UTS2B: variants seen among roughly 807,000 people sequenced by gnomAD.
The protein encoded by UTS2B is urotensin-2B.
In UTS2B, 21 loss-of-function variants were observed where a neutral mutation model predicts 19.2. The observed-to-expected ratio is 1.09, with a 90% confidence interval of 0.78 to 1.58. UTS2B has a LOEUF of 1.58. Among genes scored for constraint, UTS2B ranks in the 40% most tolerant of loss-of-function variants. The probability of loss-of-function intolerance (pLI) is 0.00; values close to 1 mark genes in which losing one functional copy is unlikely to be tolerated. For missense variants in UTS2B, 138 were observed against 130.3 expected (o/e 1.06, Z -0.29); for synonymous variants, 57 against 50.2 (o/e 1.14, Z -0.58).
At chr3:191,316,755 CT>C (rs2108608855) in intron 2 of UTS2B, among the ~76,000 whole-genome samples, 1 of 152,272 alleles carries the variant, frequency 6.6e-6, no homozygotes, top group South Asian at 2.1e-4. Context: ...CTGATCGGTG[CT>C]TTTACAAACC....
intron 2 of UTS2B, among the ~76,000 whole-genome samples, chr3:191,317,332 G>A (rs1717488927): frequency 1.3e-5 from 2 of 152,174 alleles, no homozygotes; most frequent in African/African-American, 4.8e-5. Flanking sequence ...CCTGGAACTC[G>A]TGCTAGCCCG....
rs1436368529 is a variant in UTS2B, at chr3:191,268,074, A to G, written c.*342T>C. The G allele has an allele frequency of 5.9e-6, 1 of 168,386 alleles. No individual in the cohort carries two copies. The highest frequency in any genetic ancestry group is 1.3e-5 in the Non-Finnish European group (1 of 78,704). The allele number at this position is 168,386 out of a possible 1,614,324, so 10.4% of individuals were successfully genotyped here. A position where few individuals can be genotyped will look rare whatever the true frequency, so the allele number is the denominator to read the frequency against. ...TTATCCATATGGACAGGCGCCTTCC[A>G]TGCATCCGTTTATAGGCTCTCCACG... On this transcript the variant is annotated 3_prime_UTR_variant, in exon 9 of 9. Transcript: ENST00000340524.
the UTS2B span, among the ~76,000 whole-genome samples, chr3:191,345,180 A>G: frequency 4.3e-3 from 652 of 152,286 alleles, 4 homozygotes; most frequent in African/African-American, 0.015. Flanking sequence ...AAGAATAGAC[A>G]AGGTCTAAGT....
At chr3:191,339,974 G>A in the UTS2B span, among the ~76,000 whole-genome samples, 5 of 152,332 alleles carry the variant, frequency 3.3e-5, no homozygotes, top group Admixed American at 3.3e-4. Flanking sequence ...AATATTTGGT[G>A]TAGGTGAAAG....
chr3:191,329,732 C>A (rs1449429815), intron 1 of UTS2B: 2 of 1,608,514 alleles, frequency 1.2e-6, no homozygotes, highest in Non-Finnish European at 8.5e-7. Flanking sequence ...AGGTAAGGGC[C>A]CCGGAGGGAG....
chr3:191,336,015 A>G, the UTS2B span, among the ~76,000 whole-genome samples: 1 of 151,924 alleles, frequency 6.6e-6, no homozygotes, highest in Admixed American at 6.6e-5. Flanking sequence ...ATCATATAGT[A>G]AGTAGTTTTT....
chr3:191,299,861 G>T (rs1716948651), intron 4 of UTS2B, among the ~76,000 whole-genome samples: 1 of 152,196 alleles, frequency 6.6e-6, no homozygotes, highest in Non-Finnish European at 1.5e-5. Flanking sequence ...CAAAGTCACA[G>T]GGGTGGAGCT....
chr3:191,277,016 T>C (rs1480429859), intron 6 of UTS2B, among the ~76,000 whole-genome samples, 172 bp from the exon 7 acceptor site: 2 of 152,246 alleles, frequency 1.3e-5, no homozygotes, highest in Non-Finnish European at 2.9e-5. Flanking sequence ...ATGCCCATAG[T>C]ATTGAAATGC....
chr3:191,316,853 G>C (rs1717468335), intron 2 of UTS2B, among the ~76,000 whole-genome samples: 1 of 152,226 alleles, frequency 6.6e-6, no homozygotes. Context: ...CAAACCCCCA[G>C]CTAGACACTG....
chr3:191,309,938 T>G (rs934048773), intron 3 of UTS2B, among the ~76,000 whole-genome samples: 1 of 152,040 alleles, frequency 6.6e-6, no homozygotes, highest in African/African-American at 2.4e-5. Flanking sequence ...TGAGAATTTT[T>G]TTTTTCTTTC....
rs994981498 is a variant in UTS2B, at chr3:191,267,186, A to C, written c.*1230T>G. On this transcript the variant is annotated 3_prime_UTR_variant, in exon 9 of 9. Transcript: ENST00000340524. ...TCCAAGATGCTTTTCAAAATGTTTT[A>C]ATTAATAGTTCAACAGCATAGTCAC... 1 of 152,240 alleles carries C rather than the reference A, an allele frequency of 6.6e-6. No homozygotes were observed. The highest frequency in any genetic ancestry group is 1.5e-5 in the Non-Finnish European group (1 of 68,038). 9.4% of individuals were successfully genotyped at this position (152,240 alleles called of 1,614,324 possible). A position where few individuals can be genotyped will look rare whatever the true frequency, so the allele number is the denominator to read the frequency against.
chr3:191,340,607 A>G, the UTS2B span, among the ~76,000 whole-genome samples: 1 of 152,204 alleles, frequency 6.6e-6, no homozygotes, highest in African/African-American at 2.4e-5. Flanking sequence ...TAATCTTCAC[A>G]TAGAATTCTA....
At chr3:191,273,061 G>A (rs554832530) in intron 8 of UTS2B, among the ~76,000 whole-genome samples, 7 of 152,068 alleles carry the variant, frequency 4.6e-5, no homozygotes, top group African/African-American at 1.7e-4. Flanking sequence ...CCATCTACTC[G>A]GGAGGCTGAG....
In UTS2B at chr3:191,307,368, GA is replaced by G. The variant is rs367900642; in HGVS notation, c.-181-2821del. ...AAGGCATCTTAGCTTGAGACCTTTAGAAAAAAAAAACCTAAGGCAAAATTAT... is the reference window on the plus strand; with the variant it reads ...AAGGCATCTTAGCTTGAGACCTTTAGAAAAAAAAACCTAAGGCAAAATTAT... On this transcript the variant is annotated intron_variant, in intron 3 of 8. Coordinates refer to ENST00000340524, the MANE Select transcript of UTS2B (RefSeq NM_198152.5). Among the ~76,000 whole-genome samples, 1,353 of 146,504 alleles carry G rather than the reference GA, an allele frequency of 9.2e-3. 18 individuals are homozygous for G. Among genetic ancestry groups the G allele is most frequent in the African/African-American group, 0.032 (1,263 of 40,010 alleles).
intron 2 of UTS2B, 55 bp from the exon 3 acceptor site, chr3:191,316,494 T>G (rs1387165752): frequency 6.6e-6 from 1 of 152,294 alleles, no homozygotes; most frequent in African/African-American, 2.4e-5. Context: ...TCCAGCGGAT[T>G]GCTGCTGCTA....
Position 191,268,384 on chromosome 3 carries a change from T to G in UTS2B, c.*32A>C, listed in dbSNP as rs371047541. ...GTAGATACATATATTTTCCTGATAT[T>G]CTTATCTTTTTTTGCATCCAGAGAA... is the stretch of plus-strand genomic sequence containing the variant. On this transcript the variant is annotated 3_prime_UTR_variant, in exon 9 of 9. Coordinates refer to ENST00000340524, the MANE Select transcript of UTS2B (RefSeq NM_198152.5). The G allele has an allele frequency of 5.7e-5, 87 of 1,533,158 alleles. No individual in the cohort carries two copies. The highest frequency in any genetic ancestry group is 7.4e-5 in the Non-Finnish European group (83 of 1,118,684). 95.0% of individuals were successfully genotyped at this position (1,533,158 alleles called of 1,614,324 possible). A position where few individuals can be genotyped will look rare whatever the true frequency, so the allele number is the denominator to read the frequency against.
At chr3:191,292,910 T>C (rs926648680) in intron 4 of UTS2B, among the ~76,000 whole-genome samples, 3 of 152,044 alleles carry the variant, frequency 2.0e-5, no homozygotes, top group Admixed American at 6.6e-5. Flanking sequence ...TTGAGACGAC[T>C]ATAGAATAAA....
At chr3:191,287,598 A>T (rs1293531295) in intron 4 of UTS2B, among the ~76,000 whole-genome samples, 1 of 152,136 alleles carries the variant, frequency 6.6e-6, no homozygotes, top group African/African-American at 2.4e-5. Flanking sequence ...TATGGAATGA[A>T]TGTACCTCGG....
intron 2 of UTS2B, among the ~76,000 whole-genome samples, chr3:191,327,424 G>A (rs959660583): frequency 5.3e-5 from 8 of 152,206 alleles, no homozygotes; most frequent in East Asian, 1.9e-4. Flanking sequence ...TGGAACCTGG[G>A]AGGCAGAAGT....
Sources: allele counts gnomAD v4.1 joint callset (sites outside exome capture counted in the v4.1 genomes callset), GRCh38; gene constraint gnomAD v4.1.1; transcripts MANE v1.5; gene names NCBI Gene and HGNC (gene_info 2026-07-23, HGNC 2026-07-21).